ASB4: variants seen among roughly 807,000 people sequenced by gnomAD.
ASB4 encodes the protein ankyrin repeat and SOCS box containing 4, also known as ankyrin repeat and SOCS box protein 4.
ASB4 carries 35 observed loss-of-function variants against 38.6 expected under a neutral mutation model. That is an observed-to-expected ratio of 0.91 (90% CI 0.69 to 1.20). ASB4 has a LOEUF of 1.20. Among genes scored for constraint, ASB4 ranks in the 50% most tolerant of loss-of-function variants. ASB4 has a pLI of 0.00. For synonymous variants in ASB4, 195 were observed against 201.3 expected (o/e 0.97, Z 0.26); for missense variants, 557 against 527.2 (o/e 1.06, Z -0.55).
At chr7:95,506,233 C>T (rs149634538) in intron 2 of ASB4, among the ~76,000 whole-genome samples, 2 of 152,298 alleles carry the variant, frequency 1.3e-5, no homozygotes, top group Admixed American at 6.5e-5. Flanking sequence ...AATATTTAAA[C>T]TCAGTGGGTA....
chr7:95,534,328 C>T lies in ASB4; in HGVS notation c.979-2109C>T, dbSNP rs149089341. ...ATTGCACTCCAGCCTGGGCTAAAAA[C>T]GTAAAACTCCATTAAAAAAAAAAAA... is the stretch of plus-strand genomic sequence containing the variant. On this transcript the variant is annotated intron_variant, in intron 3 of 4. Transcript: ENST00000325885. 2.5e-3 allele frequency among the ~76,000 whole-genome samples: 361 copies of T among 142,122 alleles called. 11 individuals are homozygous for T. Among genetic ancestry groups the T allele is most frequent in the Admixed American group, 0.021 (296 of 14,002 alleles). The allele number at this position is 142,122 out of a possible 152,430, so 93.2% of individuals were successfully genotyped here. A position where few individuals can be genotyped will look rare whatever the true frequency, so the allele number is the denominator to read the frequency against.
chr7:95,546,555 C>T, the ASB4 span, among the ~76,000 whole-genome samples: 1 of 152,138 alleles, frequency 6.6e-6, no homozygotes, highest in Admixed American at 6.6e-5. Context: ...ATTTTTTACA[C>T]CTACGGCAGA....
At chr7:95,512,280 CA>C (rs1562816005) in intron 2 of ASB4, among the ~76,000 whole-genome samples, 1 of 152,178 alleles carries the variant, frequency 6.6e-6, no homozygotes. Flanking sequence ...TTCATGAGGG[CA>C]AAATTTAACT....
At chr7:95,478,942 A>G (rs1157435201) in intron 1 of ASB4, among the ~76,000 whole-genome samples, 1 of 152,206 alleles carries the variant, frequency 6.6e-6, no homozygotes, top group Non-Finnish European at 1.5e-5. Context: ...CAACTGCTTG[A>G]AGACAGAACC....
chr7:95,480,016 T>C (rs936242838), intron 1 of ASB4, among the ~76,000 whole-genome samples: 2 of 152,168 alleles, frequency 1.3e-5, no homozygotes, highest in South Asian at 4.1e-4. Flanking sequence ...TCAAGGCAAG[T>C]GAATACTTCT....
upstream of ASB4, among the ~76,000 whole-genome samples, chr7:95,483,914 A>G (rs972737699): frequency 6.6e-6 from 1 of 152,136 alleles, no homozygotes; most frequent in Non-Finnish European, 1.5e-5. Flanking sequence ...TTGGGAGCCA[A>G]TCCCTTGGTT....
At chr7:95,548,174 T>A in the ASB4 span, among the ~76,000 whole-genome samples, 1 of 152,364 alleles carries the variant, frequency 6.6e-6, no homozygotes, top group Middle Eastern at 3.4e-3. Context: ...CATGTTTGCA[T>A]TTCTACCAGC....
At position 95,538,129 on chromosome 7, in the gene ASB4, A is replaced by G. The variant is rs538388292; in HGVS notation, c.*370A>G. On this transcript the variant is annotated 3_prime_UTR_variant, in exon 5 of 5. Coordinates refer to ENST00000325885, the MANE Select transcript of ASB4 (RefSeq NM_016116.3). ...TCTGTGCCTTATCAGTAATATGTTT[A>G]CATTCTCATTCAAATGGCCATATAG... The G allele has an allele frequency of 3.7e-4, 61 of 164,096 alleles. No homozygotes were observed. Among genetic ancestry groups the G allele is most frequent in the Middle Eastern group, 5.7e-3 (2 of 352 alleles). The allele number at this position is 164,096 out of a possible 1,614,324, so 10.2% of individuals were successfully genotyped here. A position where few individuals can be genotyped will look rare whatever the true frequency, so the allele number is the denominator to read the frequency against.
At chr7:95,502,390 G>T (rs200738090) in intron 2 of ASB4, among the ~76,000 whole-genome samples, 2 of 107,152 alleles carry the variant, frequency 1.9e-5, no homozygotes, top group African/African-American at 6.4e-5. Context: ...GTACCAGCCT[G>T]CGGGGGGGGG....
chr7:95,485,293 A>G (rs749427514), upstream of ASB4, among the ~76,000 whole-genome samples: 1 of 152,206 alleles, frequency 6.6e-6, no homozygotes, highest in Non-Finnish European at 1.5e-5. Flanking sequence ...ACAGGATTCA[A>G]TAAAGTTCAT....
At position 95,538,939 on chromosome 7, in the gene ASB4, T is replaced by C. The variant is rs1028379177; in HGVS notation, c.*1180T>C. The C allele has an allele frequency of 1.3e-5, 2 of 152,084 alleles. No homozygotes were observed. Among genetic ancestry groups the C allele is most frequent in the Admixed American group, 1.3e-4 (2 of 15,260 alleles). 9.4% of individuals were successfully genotyped at this position (152,084 alleles called of 1,614,324 possible). On this transcript the variant is annotated 3_prime_UTR_variant, in exon 5 of 5. Coordinates refer to ENST00000325885, the MANE Select transcript of ASB4 (RefSeq NM_016116.3). Reference sequence around the variant, plus strand: ...AGTAAATAGAGAGACTTTTTGAAAATGGTAAAAGTTTGAGAAACTTGGGAA... The same window carrying C: ...AGTAAATAGAGAGACTTTTTGAAAACGGTAAAAGTTTGAGAAACTTGGGAA...
At chr7:95,489,938 C>T (rs565180241) in intron 1 of ASB4, among the ~76,000 whole-genome samples, 2 of 152,278 alleles carry the variant, frequency 1.3e-5, no homozygotes, top group African/African-American at 4.8e-5. Context: ...AAGGCTTTAC[C>T]AACTTGATCT....
chr7:95,533,217 G>T (rs539253594), intron 3 of ASB4, among the ~76,000 whole-genome samples: 75 of 152,258 alleles, frequency 4.9e-4, no homozygotes, highest in Non-Finnish European at 9.6e-4. Flanking sequence ...CAGTTTGGGG[G>T]TAGAATGTTA....
upstream of ASB4, among the ~76,000 whole-genome samples, chr7:95,485,623 A>G (rs953662782): frequency 2.0e-5 from 3 of 152,194 alleles, no homozygotes; most frequent in Non-Finnish European, 1.5e-5. Context: ...TATTGAGGGG[A>G]AAAAAAGAGC....
At chr7:95,530,846 G>C (rs1427489843) in intron 3 of ASB4, among the ~76,000 whole-genome samples, 1 of 152,228 alleles carries the variant, frequency 6.6e-6, no homozygotes, top group Middle Eastern at 3.4e-3. Flanking sequence ...TGGGGGGCTG[G>C]CAAATTTGCA....
At chr7:95,514,526 A>G (rs183066165) in intron 2 of ASB4, among the ~76,000 whole-genome samples, 182 of 152,356 alleles carry the variant, frequency 1.2e-3, no homozygotes, top group African/African-American at 4.2e-3. Flanking sequence ...AGTTAGAGGA[A>G]GAGGTTGACT....
At chr7:95,492,937 A>G (rs1328636335) in intron 1 of ASB4, among the ~76,000 whole-genome samples, 1 of 152,206 alleles carries the variant, frequency 6.6e-6, no homozygotes, top group Non-Finnish European at 1.5e-5. Context: ...CTCGGAACAG[A>G]GATTCAATGT....
In ASB4 at chr7:95,539,163, T is replaced by A. The variant is rs1053327200; in HGVS notation, c.*1404T>A. On this transcript the variant is annotated 3_prime_UTR_variant, in exon 5 of 5. Coordinates refer to ENST00000325885, the MANE Select transcript of ASB4 (RefSeq NM_016116.3). ...AAAGCAGAAGTAAATTGCAAACAAA[T>A]CTGTCAGTTGTGAGCAGATTTCTTT... 2.0e-5 allele frequency: 3 copies of A among 152,216 alleles called. No individual in the cohort carries two copies. Among genetic ancestry groups the A allele is most frequent in the Admixed American group, 2.0e-4 (3 of 15,286 alleles). 9.4% of individuals were successfully genotyped at this position (152,216 alleles called of 1,614,324 possible). A position where few individuals can be genotyped will look rare whatever the true frequency, so the allele number is the denominator to read the frequency against.
At chr7:95,513,475 G>C (rs999435686) in intron 2 of ASB4, among the ~76,000 whole-genome samples, 3 of 152,054 alleles carry the variant, frequency 2.0e-5, no homozygotes, top group African/African-American at 7.2e-5. Context: ...TTCCTTGCTT[G>C]TGGGAGGTTA....
Sources: gnomAD v4.1 joint callset for allele counts (sites outside exome capture counted in the v4.1 genomes callset) on GRCh38, gnomAD v4.1.1 for gene constraint, MANE v1.5 for transcripts, NCBI Gene and HGNC (gene_info 2026-07-23, HGNC 2026-07-21) for gene names.